CEACAM19: variants seen among roughly 807,000 people sequenced by gnomAD.
CEACAM19 encodes cell adhesion molecule CEACAM19.
CEACAM19 carries 37 observed loss-of-function variants against 37.6 expected under a neutral mutation model. The observed-to-expected ratio is 0.98, with a 90% CI of 0.76 to 1.29. CEACAM19 has a LOEUF of 1.29. CEACAM19 is among the 50% of genes most tolerant of loss of function. The pLI, the probability that CEACAM19 is intolerant of heterozygous loss-of-function variation, is 0.00. For synonymous variants in CEACAM19, 140 were observed against 149.8 expected (o/e 0.93, Z 0.48); for missense variants, 340 against 375.6 (o/e 0.91, Z 0.78).
Position 44,683,425 on chromosome 19 carries a change from C to T in CEACAM19, c.847-12C>T, listed in dbSNP as rs377385772. On this transcript the variant is annotated splice_polypyrimidine_tract_variant and intron_variant, in intron 7 of 7. Transcript: ENST00000358777. Reference sequence around the variant, plus strand: ...CCCAGTCATAATTCTGTTCTCTCTTCCCCCCAAGCAGGACCTGCTAAACCC... The same window carrying T: ...CCCAGTCATAATTCTGTTCTCTCTTTCCCCCAAGCAGGACCTGCTAAACCC... 1.4e-5 allele frequency: 20 copies of T among 1,481,154 alleles called. No homozygotes were observed. In the Middle Eastern group the frequency reaches 1.2e-3, roughly 90 times the overall value. 91.8% of individuals were successfully genotyped at this position (1,481,154 alleles called of 1,614,324 possible).
At chr19:44,678,709 T>G in intron 3 of CEACAM19, 144 bp from the exon 4 acceptor site, 1 of 1,176,620 alleles carries the variant, frequency 8.5e-7, no homozygotes, top group Non-Finnish European at 1.2e-6. Context: ...CTGAGCCCAA[T>G]TACTATTTTT....
At chr19:44,677,653 C>G (rs1973975766) in intron 3 of CEACAM19, 1 of 152,038 alleles carries the variant, frequency 6.6e-6, no homozygotes, top group Non-Finnish European at 1.5e-5. Context: ...TCTCCTTTCT[C>G]AACTCTTCCT....
upstream of CEACAM19, among the ~76,000 whole-genome samples, chr19:44,668,559 T>C (rs1419913959): frequency 1.2e-3 from 49 of 42,404 alleles, 2 homozygotes; most frequent in African/African-American, 8.0e-3. Context: ...TATAATTATA[T>C]ACATATTATA....
At position 44,672,068 on chromosome 19, in the gene CEACAM19, G is replaced by C. The variant is rs930825142; in HGVS notation, c.55+82G>C. On this transcript the variant is annotated intron_variant, in intron 1 of 7. Coordinates refer to ENST00000358777, the MANE Select transcript of CEACAM19 (RefSeq NM_001127893.3). The stretch of plus-strand genomic sequence containing the variant: ...ATTGAAGTTTCCTCTTAGAAGTAGG[G>C]AAAGATTACCTGAGAGGATGAAATT... 94 of 1,152,406 alleles carry C rather than the reference G, an allele frequency of 8.2e-5. No individual in the cohort carries two copies. The African/African-American group carries it at 1.4e-3, about 17-fold the overall frequency. 71.4% of individuals were successfully genotyped at this position (1,152,406 alleles called of 1,614,324 possible).
At chr19:44,678,643 T>C in intron 3 of CEACAM19, 1 of 523,038 alleles carries the variant, frequency 1.9e-6, no homozygotes, top group South Asian at 2.9e-5. Flanking sequence ...ACTCCTGAAC[T>C]CAGGTGATCT....
intron 7 of CEACAM19, 92 bp downstream of exon 7, chr19:44,682,712 T>C: frequency 8.1e-7 from 1 of 1,228,412 alleles, no homozygotes; most frequent in Non-Finnish European, 1.1e-6. Context: ...CAACTGAAAC[T>C]GGGGGCTTTC....
At chr19:44,668,758 A>ATATATAT (rs1568513274), upstream of CEACAM19, among the ~76,000 whole-genome samples, 1 of 88,792 alleles carries the variant, frequency 1.1e-5, no homozygotes, top group Non-Finnish European at 1.9e-5. Context: ...ATATAATATA[A>ATATATAT]TATATATAAT....
chr19:44,681,763 C>T (rs1320276446), intron 6 of CEACAM19, among the ~76,000 whole-genome samples: 2 of 151,912 alleles, frequency 1.3e-5, no homozygotes, highest in Non-Finnish European at 2.9e-5. Context: ...AACCCCGTCT[C>T]TACTAAAAAT....
chr19:44,682,440 C>T (rs1974077461), intron 6 of CEACAM19, 127 bp from the exon 7 acceptor site: 17 of 925,950 alleles, frequency 1.8e-5, no homozygotes, highest in African/African-American at 3.3e-5. Flanking sequence ...ATCCCCTCTG[C>T]CCAGGGGCCT....
In CEACAM19 at chr19:44,672,923, C is replaced by G. The variant is rs1327317293; in HGVS notation, c.383C>G (p.Ser128Cys). The G allele has an allele frequency of 6.5e-7, 1 of 1,531,418 alleles. No homozygotes were observed. The highest frequency in any genetic ancestry group is 2.0e-5 in the Admixed American group (1 of 49,856). 94.9% of individuals were successfully genotyped at this position (1,531,418 alleles called of 1,614,324 possible). ...GTYQVAITINSEWTMKAKTEV... is the reference protein window; with the variant it reads ...GTYQVAITINCEWTMKAKTEV... Reference sequence around the variant, plus strand: ...TACCAAGTAGCCATTACCATCAACTCTGAATGGACTATGAAGGCCAAGACT... The same window carrying G: ...TACCAAGTAGCCATTACCATCAACTGTGAATGGACTATGAAGGCCAAGACT... Residue 128 changes from serine (S) to cysteine (C), a missense_variant, in exon 2 of 8, where the codon TCT becomes TGT. Physicochemically the swap from Ser to Cys is moderately radical, Grantham distance 112. Coordinates refer to ENST00000358777, the MANE Select transcript of CEACAM19 (RefSeq NM_001127893.3).
At chr19:44,675,515 G>A (rs1248160527) in intron 2 of CEACAM19, among the ~76,000 whole-genome samples, 3 of 152,002 alleles carry the variant, frequency 2.0e-5, no homozygotes, top group African/African-American at 7.2e-5. Flanking sequence ...GTCTGGGCTC[G>A]GTGGCCACGT....
intron 2 of CEACAM19, among the ~76,000 whole-genome samples, chr19:44,674,589 G>A (rs747496468): frequency 1.3e-5 from 2 of 151,044 alleles, no homozygotes; most frequent in Admixed American, 6.6e-5. Flanking sequence ...TATTGGTAGA[G>A]ACTGGGTTTC....
chr19:44,676,476 C>A lies in CEACAM19; in HGVS notation c.575+55C>A, dbSNP rs938066644. On this transcript the variant is annotated intron_variant, in intron 3 of 7. Transcript: ENST00000358777. Reference sequence around the variant, plus strand: ...TCTGCTCCCACTGTCTTCTCAAGCCCCATGGATTCTTCCACAAGTCACATC... The same window carrying A: ...TCTGCTCCCACTGTCTTCTCAAGCCACATGGATTCTTCCACAAGTCACATC... 3.2e-6 allele frequency: 5 copies of A among 1,562,600 alleles called. No individual in the cohort carries two copies. The African/African-American group carries it at 6.8e-5, about 21-fold the overall frequency.
At chr19:44,681,187 C>A in intron 5 of CEACAM19, 40 bp from the exon 6 acceptor site, 5 of 1,404,460 alleles carry the variant, frequency 3.6e-6, no homozygotes, top group Non-Finnish European at 5.0e-6. Flanking sequence ...GCCTGTGGGG[C>A]CCATGTGTCA....
chr19:44,675,097 CGTGTGTGTGTGTGT>C lies in CEACAM19; in HGVS notation c.425-1147_425-1134del, dbSNP rs59147604. 6.3e-5 allele frequency among the ~76,000 whole-genome samples: 9 copies of C among 143,900 alleles called. No individual in the cohort carries two copies. The East Asian group carries it at 1.2e-3, about 20-fold the overall frequency. The allele number at this position is 143,900 out of a possible 152,430, so 94.4% of individuals were successfully genotyped here. A position where few individuals can be genotyped will look rare whatever the true frequency, so the allele number is the denominator to read the frequency against. On this transcript the variant is annotated intron_variant, in intron 2 of 7. Transcript: ENST00000358777. ...CTTTGTTGGATCATTCAGAGAACAG[CGTGTGTGTGTGTGT>C]GTGTGTGTGTGTGTGTGTGTGTGTG...
In CEACAM19 at chr19:44,680,496, C is replaced by A. The variant is rs73565991; in HGVS notation, c.706+162C>A. Among the ~76,000 whole-genome samples, 1,313 of 151,952 alleles carry A rather than the reference C, an allele frequency of 8.6e-3. 26 individuals are homozygous for A. The highest frequency in any genetic ancestry group is 0.03 in the African/African-American group (1,260 of 41,404). On this transcript the variant is annotated intron_variant, in intron 5 of 7. Coordinates refer to ENST00000358777, the MANE Select transcript of CEACAM19 (RefSeq NM_001127893.3). ...CCTGAACTCACCCACATAATCTGAG[C>A]GCATCGGCACCCACCCCAAACCTGC... is the stretch of plus-strand genomic sequence containing the variant.
chr19:44,682,836 CA>C, intron 7 of CEACAM19: 1 of 513,964 alleles, frequency 1.9e-6, no homozygotes, highest in Non-Finnish European at 3.5e-6. Context: ...TCCTTCTTTG[CA>C]AAAGGGATCC....
chr19:44,668,501 TA>T (rs1237547866), upstream of CEACAM19, among the ~76,000 whole-genome samples: 4 of 57,406 alleles, frequency 7.0e-5, no homozygotes, highest in African/African-American at 2.1e-4. Flanking sequence ...ATATTATATA[TA>T]TTATATATTA....
intron 3 of CEACAM19, among the ~76,000 whole-genome samples, chr19:44,676,830 G>A (rs529762170): frequency 6.6e-6 from 1 of 152,100 alleles, no homozygotes; most frequent in African/African-American, 2.4e-5. Context: ...TGCCCAGGCT[G>A]GTCTCGAACT....
Sources: gnomAD v4.1 joint callset for allele counts (sites outside exome capture counted in the v4.1 genomes callset) on GRCh38, gnomAD v4.1.1 for gene constraint, MANE v1.5 for transcripts, NCBI Gene and HGNC (gene_info 2026-07-23, HGNC 2026-07-21) for gene names.